Variants in CELF2 observed in about 807,000 individuals in gnomAD.
CELF2 encodes CUGBP Elav-like family member 2, also known as CUG triplet repeat RNA-binding protein 2.
Under a neutral mutation model 62.6 loss-of-function variants are expected in CELF2, and 8 were observed. The observed-to-expected ratio is 0.13, with a 90% CI of 0.07 to 0.23. CELF2 has a LOEUF of 0.23. Among genes scored for constraint, CELF2 ranks in the 10% least tolerant of loss-of-function variants. The pLI, the probability that CELF2 is intolerant of heterozygous loss-of-function variation, is 1.00. For missense variants in CELF2, 333 were observed against 671.0 expected, an observed-to-expected ratio of 0.50 and a Z score of 5.56; for synonymous variants, 258 against 250.0, an observed-to-expected ratio of 1.03 and a Z score of -0.30.
At chr10:10,693,745 T>A in the CELF2 span, among the ~76,000 whole-genome samples, 3 of 151,416 alleles carry the variant, frequency 2.0e-5, no homozygotes, top group South Asian at 4.2e-4. Context: ...CTTGGGAGAG[T>A]GTATGTGTCG....
Position 11,328,281 on chromosome 10 carries a change from C to G in CELF2, c.1439-645C>G, listed in dbSNP as rs2095858709. 6.6e-6 allele frequency among the ~76,000 whole-genome samples: 1 copy of G among 152,198 alleles called. No individual in the cohort carries two copies. On this transcript the variant is annotated intron_variant, in intron 12 of 12. Transcript: ENST00000633077. This position sits in a 1 kb window ranked among gnomAD's most constrained non-coding sequence, Gnocchi z 6.4. ...GATAAGGAGAAAGGCCCAGCACTTCCCTAGTCTCCTTGGTATTAACTCCAA... is the reference window on the plus strand; with the variant it reads ...GATAAGGAGAAAGGCCCAGCACTTCGCTAGTCTCCTTGGTATTAACTCCAA...
chr10:10,640,808 T>G, the CELF2 span, among the ~76,000 whole-genome samples: 1 of 152,220 alleles, frequency 6.6e-6, no homozygotes, highest in Non-Finnish European at 1.5e-5. Context: ...ACAAAATCCT[T>G]GGTTTTATTT....
chr10:11,304,895 C>T (rs1452219194), intron 9 of CELF2, among the ~76,000 whole-genome samples: 1 of 152,166 alleles, frequency 6.6e-6, no homozygotes, highest in Non-Finnish European at 1.5e-5. Context: ...GGGGGGTGAA[C>T]AGAGAACATA....
chr10:10,505,296 G>A, the CELF2 span, among the ~76,000 whole-genome samples: 2 of 151,950 alleles, frequency 1.3e-5, no homozygotes, highest in East Asian at 1.9e-4. Context: ...TAACACATAA[G>A]TTGGGGGAGG....
intron 1 of CELF2, among the ~76,000 whole-genome samples, chr10:10,828,372 G>A (rs2057581739): frequency 6.6e-6 from 1 of 152,170 alleles, no homozygotes. Flanking sequence ...AACACGGATG[G>A]ACCTTATGAG....
intron 1 of CELF2, among the ~76,000 whole-genome samples, chr10:11,148,804 C>G (rs775257609): frequency 1.3e-5 from 2 of 151,432 alleles, no homozygotes; most frequent in Non-Finnish European, 2.9e-5. Context: ...GCCAGCCAAG[C>G]TAGTTGCCCT....
In CELF2 at chr10:10,957,236, G is replaced by A. The variant is rs140209214; in HGVS notation, c.89+37237G>A. 1.3e-5 allele frequency among the ~76,000 whole-genome samples: 2 copies of A among 152,300 alleles called. No individual in the cohort carries two copies. The highest frequency in any genetic ancestry group is 1.9e-4 in the East Asian group (1 of 5,186). The stretch of plus-strand genomic sequence containing the variant: ...AGTTTCCCACTAATTCACTCAAACC[G>A]ATTTATGTATTTAGATATGACCTCA... On this transcript the variant is annotated intron_variant, in intron 2 of 13. Coordinates refer to the CELF2 transcript ENST00000636488. This position sits in a 1 kb window ranked among gnomAD's most constrained non-coding sequence, Gnocchi z 4.1.
intron 1 of CELF2, among the ~76,000 whole-genome samples, chr10:11,080,459 C>G (rs1381866706): frequency 6.6e-6 from 1 of 152,188 alleles, no homozygotes; most frequent in Non-Finnish European, 1.5e-5. Context: ...CAGGAACATA[C>G]AGTTTGCAGT....
chr10:11,025,765 T>C (rs1323022755), intron 1 of CELF2, among the ~76,000 whole-genome samples: 1 of 152,260 alleles, frequency 6.6e-6, no homozygotes, highest in Non-Finnish European at 1.5e-5. Context: ...AGACTTTATG[T>C]TCAGAAAAGT....
chr10:10,613,250 G>A, the CELF2 span, among the ~76,000 whole-genome samples: 1 of 152,164 alleles, frequency 6.6e-6, no homozygotes, highest in East Asian at 1.9e-4. Context: ...GCCATGTGGG[G>A]GATCGGAATA....
chr10:10,758,490 T>A, the CELF2 span, among the ~76,000 whole-genome samples: 1 of 152,214 alleles, frequency 6.6e-6, no homozygotes, highest in South Asian at 2.1e-4. Flanking sequence ...CATCATCATT[T>A]AGGCAGATGT....
At chr10:10,973,362 C>T (rs1280143593) in intron 2 of CELF2, among the ~76,000 whole-genome samples, 1 of 152,088 alleles carries the variant, frequency 6.6e-6, no homozygotes, top group Non-Finnish European at 1.5e-5. Context: ...TCCCAGCACC[C>T]CACGCCTGAC....
chr10:11,014,160 TG>T (rs2056898794), upstream of CELF2, among the ~76,000 whole-genome samples: 1 of 152,134 alleles, frequency 6.6e-6, no homozygotes, highest in Non-Finnish European at 1.5e-5. Context: ...AATTTGCAAA[TG>T]TGATAGGGGA....
chr10:11,233,670 T>G (rs1194856063), intron 3 of CELF2, among the ~76,000 whole-genome samples: 1 of 152,136 alleles, frequency 6.6e-6, no homozygotes, highest in Non-Finnish European at 1.5e-5. Context: ...CAAGAAATGG[T>G]CTTCCTCATC....
the CELF2 span, among the ~76,000 whole-genome samples, chr10:10,480,150 A>C: frequency 6.6e-6 from 1 of 152,212 alleles, no homozygotes; most frequent in African/African-American, 2.4e-5. Flanking sequence ...ATTTAGAAGC[A>C]GAATCTTTAA....
intron 1 of CELF2, among the ~76,000 whole-genome samples, chr10:11,133,334 A>G (rs2059904349): frequency 6.6e-6 from 1 of 152,192 alleles, no homozygotes; most frequent in Non-Finnish European, 1.5e-5. Context: ...CCTGAAAGCT[A>G]GAGACATTCA....
At position 11,165,240 on chromosome 10, in the gene CELF2, C is replaced by T. The variant is rs932347838; in HGVS notation, c.75-246C>T. Reference sequence around the variant, plus strand: ...ACGCCCTGGGTGACAGGCGGCAGGGCGCTGCCCCGTGCTCCCCCGGCTCTG... The same window carrying T: ...ACGCCCTGGGTGACAGGCGGCAGGGTGCTGCCCCGTGCTCCCCCGGCTCTG... On this transcript the variant is annotated intron_variant, in intron 1 of 12. Transcript: ENST00000633077. The surrounding 1 kb of genome is among the most constrained non-coding windows in gnomAD (Gnocchi z 7.4). 5 of 1,344,660 alleles carry T rather than the reference C, an allele frequency of 3.7e-6. No individual in the cohort carries two copies. In the African/African-American group the frequency reaches 6.0e-5, roughly 16 times the overall value. 83.3% of individuals were successfully genotyped at this position (1,344,660 alleles called of 1,614,324 possible).
intron 9 of CELF2, among the ~76,000 whole-genome samples, chr10:11,291,841 T>G (rs1021456774): frequency 2.6e-5 from 4 of 152,214 alleles, no homozygotes; most frequent in African/African-American, 9.6e-5. Flanking sequence ...GCAAATGAGT[T>G]AGTTTTGTCT....
chr10:11,089,403 CT>C (rs1239638773), intron 1 of CELF2, among the ~76,000 whole-genome samples: 1 of 152,182 alleles, frequency 6.6e-6, no homozygotes, highest in Non-Finnish European at 1.5e-5. Context: ...ACATTGAAGA[CT>C]TTTAAGAAAG....
Sources: allele counts gnomAD v4.1 joint callset (sites outside exome capture counted in the v4.1 genomes callset), GRCh38; gene constraint gnomAD v4.1.1; non-coding constraint Gnocchi (gnomAD v3.1); transcripts MANE v1.5; gene names NCBI Gene and HGNC (gene_info 2026-07-23, HGNC 2026-07-21).